Variants in AFF3 observed in about 807,000 individuals in gnomAD.
AFF3 encodes the protein AF4/FMR2 family member 3.
Under a neutral mutation model 129.7 loss-of-function variants are expected in AFF3, and 32 were observed. That is an observed-to-expected ratio of 0.25 (90% CI 0.19 to 0.33). The LOEUF is 0.33. Among genes scored for constraint, AFF3 ranks in the 10% least tolerant of loss-of-function variants. The probability of loss-of-function intolerance (pLI) is 1.00; values close to 1 mark genes in which losing one functional copy is unlikely to be tolerated. For missense variants in AFF3, 1,373 were observed against 1,592.0 expected (o/e 0.86, Z 2.34); for synonymous variants, 644 against 635.4 (o/e 1.01, Z -0.20).
intron 7 of AFF3, among the ~76,000 whole-genome samples, chr2:99,930,726 C>T (rs1266377848): frequency 6.6e-6 from 1 of 152,128 alleles, no homozygotes; most frequent in African/African-American, 2.4e-5. Flanking sequence ...AGCCTAGGGG[C>T]TTTTATATTT....
intron 13 of AFF3, among the ~76,000 whole-genome samples, chr2:99,604,538 G>A (rs1680147421): frequency 6.6e-6 from 1 of 152,128 alleles, no homozygotes; most frequent in Admixed American, 6.5e-5. Context: ...CTTAATATCT[G>A]AGTGATGAAA....
At chr2:99,581,114 T>C (rs918438105) in intron 17 of AFF3, among the ~76,000 whole-genome samples, 1 of 152,228 alleles carries the variant, frequency 6.6e-6, no homozygotes, top group Non-Finnish European at 1.5e-5. Flanking sequence ...TGGATTGTTA[T>C]TGCATCTCTG....
chr2:99,958,862 C>T (rs551635723), intron 7 of AFF3, among the ~76,000 whole-genome samples: 1 of 152,094 alleles, frequency 6.6e-6, no homozygotes, highest in East Asian at 1.9e-4. Context: ...CCTGTAATCT[C>T]AGCACTTTGG....
At chr2:99,888,936 G>A (rs1003807488) in intron 7 of AFF3, among the ~76,000 whole-genome samples, 1 of 152,146 alleles carries the variant, frequency 6.6e-6, no homozygotes, top group South Asian at 2.1e-4. Context: ...AAACAGGACC[G>A]TCAATCTCCA....
chr2:100,000,004 G>C (rs1681232082), intron 7 of AFF3, among the ~76,000 whole-genome samples: 1 of 152,200 alleles, frequency 6.6e-6, no homozygotes, highest in Admixed American at 6.5e-5. Flanking sequence ...CTTGCCACAT[G>C]AGTAGCTATG....
intron 11 of AFF3, among the ~76,000 whole-genome samples, chr2:99,719,542 T>A (rs904839077): frequency 1.3e-5 from 2 of 152,232 alleles, no homozygotes; most frequent in South Asian, 4.1e-4. Context: ...AGTTCATTTG[T>A]TGGTGTTCCA....
At chr2:100,103,674 G>GC (rs568036718) in intron 4 of AFF3, among the ~76,000 whole-genome samples, 1 of 151,888 alleles carries the variant, frequency 6.6e-6, no homozygotes, top group African/African-American at 2.4e-5. Context: ...AACCTGGAGT[G>GC]CCCCCCGGGC....
chr2:99,590,341 T>C (rs1215283858), intron 15 of AFF3, among the ~76,000 whole-genome samples: 1 of 152,112 alleles, frequency 6.6e-6, no homozygotes, highest in East Asian at 1.9e-4. Context: ...AGGCAGGAGG[T>C]GGGAACACAG....
chr2:99,651,430 A>T (rs1296122748), intron 12 of AFF3, among the ~76,000 whole-genome samples: 3 of 151,514 alleles, frequency 2.0e-5, no homozygotes, highest in African/African-American at 7.3e-5. Flanking sequence ...TGCATGATAC[A>T]CAGGTCATGG....
intron 4 of AFF3, among the ~76,000 whole-genome samples, chr2:100,054,992 G>A (rs1206294161): frequency 6.6e-6 from 1 of 152,162 alleles, no homozygotes; most frequent in Non-Finnish European, 1.5e-5. Flanking sequence ...TTTTATCCCT[G>A]CTTTCACTGT....
At chr2:99,955,546 T>TATATATA (rs1286589870) in intron 7 of AFF3, among the ~76,000 whole-genome samples, 1 of 152,212 alleles carries the variant, frequency 6.6e-6, no homozygotes, top group Non-Finnish European at 1.5e-5. Flanking sequence ...TCTGCTATAT[T>TATATATA]TGTCATATTT....
At position 99,593,222 on chromosome 2, in the gene AFF3, A is replaced by C. The variant is rs140820668; in HGVS notation, c.2439T>G (p.Ala813=). ...TGCGTTTCCTCTTGGATTTTGGCAA[A>C]GCCTTTTCTGCAGGTGTGTCCGAGG... ...SHTSDTPAEK[A]LPKSKRKRKC... is the part of the protein sequence containing the mutation. Residue 813 remains alanine (A), a synonymous_variant, in exon 15 of 25, where the codon GCT becomes GCG. Transcript: ENST00000672756. 88 of 1,593,474 alleles carry C rather than the reference A, an allele frequency of 5.5e-5. No homozygotes were observed. In the African/African-American group the frequency reaches 1.1e-3, roughly 20 times the overall value.
chr2:99,651,911 A>T (rs1418690882), intron 12 of AFF3, among the ~76,000 whole-genome samples: 1 of 152,158 alleles, frequency 6.6e-6, no homozygotes, highest in Non-Finnish European at 1.5e-5. Context: ...ACATCTTGGG[A>T]TAAAAATAAA....
At chr2:99,771,228 G>A (rs1683452769) in intron 8 of AFF3, among the ~76,000 whole-genome samples, 1 of 152,108 alleles carries the variant, frequency 6.6e-6, no homozygotes, top group African/African-American at 2.4e-5. Flanking sequence ...TGGACACATG[G>A]ATGGTGGGGA....
chr2:99,727,076 C>T lies in AFF3; in HGVS notation c.1091+1G>A. ...TCTGATAGAAAATGAAAGAAACTTACGATGTATTCGATGTGCCATTGTCTG... is the reference window on the plus strand; with the variant it reads ...TCTGATAGAAAATGAAAGAAACTTATGATGTATTCGATGTGCCATTGTCTG... On this transcript the variant is annotated splice_donor_variant, in intron 11 of 24. Transcript: ENST00000672756. LOFTEE classifies it high-confidence loss of function. 6.2e-7 allele frequency: 1 copy of T among 1,603,372 alleles called. No individual in the cohort carries two copies. Among genetic ancestry groups the T allele is most frequent in the Non-Finnish European group, 8.5e-7 (1 of 1,176,440 alleles).
intron 10 of AFF3, among the ~76,000 whole-genome samples, chr2:99,731,280 T>C (rs1289894735): frequency 6.6e-6 from 1 of 152,140 alleles, no homozygotes; most frequent in African/African-American, 2.4e-5. Context: ...TTTCTAGATG[T>C]ACCAACTTTA....
chr2:99,899,633 C>T (rs946711641), intron 7 of AFF3, among the ~76,000 whole-genome samples: 14 of 152,290 alleles, frequency 9.2e-5, no homozygotes, highest in Admixed American at 8.5e-4. Flanking sequence ...AGTTCCGCTA[C>T]CTGAACGCCA....
chr2:99,975,316 C>T (rs1678765572), intron 7 of AFF3, among the ~76,000 whole-genome samples: 2 of 152,138 alleles, frequency 1.3e-5, no homozygotes, highest in Admixed American at 1.3e-4. Context: ...TCATACAAAG[C>T]AGAGTAAACC....
chr2:99,643,411 T>A (rs956693497), intron 13 of AFF3, among the ~76,000 whole-genome samples: 1 of 152,174 alleles, frequency 6.6e-6, no homozygotes, highest in Non-Finnish European at 1.5e-5. Context: ...CGAAGGCTGC[T>A]GAGGGCCTCA....
Sources: gnomAD v4.1 joint callset for allele counts (sites outside exome capture counted in the v4.1 genomes callset) on GRCh38, gnomAD v4.1.1 for gene constraint, MANE v1.5 for transcripts, NCBI Gene and HGNC (gene_info 2026-07-23, HGNC 2026-07-21) for gene names.